JAM3: variants seen among roughly 807,000 people sequenced by gnomAD.
The protein encoded by JAM3 is junctional adhesion molecule C.
Under a neutral mutation model 39.4 loss-of-function variants are expected in JAM3, and 31 were observed. The observed-to-expected ratio is 0.79, with a 90% CI of 0.59 to 1.06. The LOEUF (loss-of-function observed/expected upper bound fraction) is 1.06. JAM3 is among the 50% of genes least tolerant of loss of function. The pLI, the probability that JAM3 is intolerant of heterozygous loss-of-function variation, is 0.00. For synonymous variants in JAM3, 182 were observed against 148.7 expected, an observed-to-expected ratio of 1.22 and a Z score of -1.63; for missense variants, 455 against 391.4, an observed-to-expected ratio of 1.16 and a Z score of -1.37.
At chr11:134,082,104 T>C (rs1340999430) in intron 1 of JAM3, among the ~76,000 whole-genome samples, 2 of 152,218 alleles carry the variant, frequency 1.3e-5, no homozygotes, top group African/African-American at 2.4e-5. Flanking sequence ...GACTGCCTTG[T>C]TGGATTTCGG....
chr11:134,085,698 G>A (rs1015879231), intron 1 of JAM3, among the ~76,000 whole-genome samples: 4 of 152,162 alleles, frequency 2.6e-5, no homozygotes, highest in African/African-American at 9.7e-5. Context: ...CACTTCCTCT[G>A]TGTGTATCTT....
At chr11:134,076,888 G>T (rs1398028539) in intron 1 of JAM3, among the ~76,000 whole-genome samples, 1 of 145,204 alleles carries the variant, frequency 6.9e-6, no homozygotes, top group Non-Finnish European at 1.5e-5. Flanking sequence ...AGGCTGGAGT[G>T]CAGTGGTGCG....
chr11:134,083,228 G>C (rs1363847735), intron 1 of JAM3, among the ~76,000 whole-genome samples: 1 of 152,190 alleles, frequency 6.6e-6, no homozygotes, highest in Non-Finnish European at 1.5e-5. Context: ...AAAATGCTGA[G>C]ATGAATTGGG....
At chr11:134,145,262 T>C (rs897413031) in intron 5 of JAM3, 1 of 530,470 alleles carries the variant, frequency 1.9e-6, no homozygotes, top group East Asian at 3.4e-5. Context: ...CCTGATCGGA[T>C]AATCAACTGT....
chr11:134,111,192 C>G (rs907910002), intron 1 of JAM3, among the ~76,000 whole-genome samples: 4 of 130,434 alleles, frequency 3.1e-5, no homozygotes, highest in African/African-American at 9.1e-5. Context: ...CGCCCAGGCT[C>G]GAGTGCAGTG....
chr11:134,137,125 A>G (rs911628921), intron 1 of JAM3, among the ~76,000 whole-genome samples: 12 of 150,084 alleles, frequency 8.0e-5, no homozygotes, highest in African/African-American at 2.5e-4. Context: ...AAAAAAAAAA[A>G]AAGAAGAAGA....
At chr11:134,121,821 G>A (rs867825184) in intron 1 of JAM3, among the ~76,000 whole-genome samples, 6 of 148,422 alleles carry the variant, frequency 4.0e-5, no homozygotes, top group South Asian at 2.2e-4. Context: ...GCATGTGTGC[G>A]CACACACACA....
At chr11:134,085,620 A>G (rs759492824) in intron 1 of JAM3, among the ~76,000 whole-genome samples, 27 of 152,316 alleles carry the variant, frequency 1.8e-4, no homozygotes, top group Non-Finnish European at 3.8e-4. Flanking sequence ...CCCCAGTCAT[A>G]GTCTTCCTTG....
chr11:134,088,958 T>C (rs1941794552), intron 1 of JAM3, among the ~76,000 whole-genome samples: 1 of 152,186 alleles, frequency 6.6e-6, no homozygotes, highest in South Asian at 2.1e-4. Context: ...TTGGGCAACA[T>C]TTATTAAGGG....
intron 3 of JAM3, 100 bp downstream of exon 3, chr11:134,140,870 T>C: frequency 6.9e-7 from 1 of 1,454,170 alleles, no homozygotes; most frequent in Non-Finnish European, 9.3e-7. Context: ...GTAACCTGCA[T>C]CTGTAGCTAG....
chr11:134,100,628 T>C (rs1211528779), intron 1 of JAM3, among the ~76,000 whole-genome samples: 1 of 152,220 alleles, frequency 6.6e-6, no homozygotes, highest in Non-Finnish European at 1.5e-5. Context: ...AAAGCAGTTC[T>C]CTAATAGTGG....
intron 1 of JAM3, among the ~76,000 whole-genome samples, chr11:134,127,846 GAGTA>G (rs754942219): frequency 6.6e-6 from 1 of 152,204 alleles, no homozygotes; most frequent in African/African-American, 2.4e-5. Flanking sequence ...AAACAGAAGA[GAGTA>G]AGTGAGGCTG....
chr11:134,095,622 T>C (rs1054956737), intron 1 of JAM3, among the ~76,000 whole-genome samples: 2 of 127,422 alleles, frequency 1.6e-5, no homozygotes, highest in Non-Finnish European at 3.3e-5. Flanking sequence ...AGAATGAGAC[T>C]CTGTCAAAAA....
At chr11:134,107,695 T>A (rs1942221954) in intron 1 of JAM3, among the ~76,000 whole-genome samples, 1 of 151,896 alleles carries the variant, frequency 6.6e-6, no homozygotes, top group Non-Finnish European at 1.5e-5. Context: ...AGTCCCCATC[T>A]CTACAAAAAA....
intron 1 of JAM3, chr11:134,070,394 A>G: frequency 2.8e-6 from 1 of 358,872 alleles, no homozygotes; most frequent in Non-Finnish European, 5.5e-6. Flanking sequence ...ACTGTTTAGG[A>G]GTGAAGGTGG....
chr11:134,141,265 G>T (rs971291319), intron 3 of JAM3, among the ~76,000 whole-genome samples: 5 of 152,128 alleles, frequency 3.3e-5, no homozygotes, highest in South Asian at 2.1e-4. Flanking sequence ...GTCAGGGAAG[G>T]CTCCCCAAAG....
In JAM3 at chr11:134,139,841, T is replaced by C; in HGVS notation, c.77-10T>C. The stretch of plus-strand genomic sequence containing the variant: ...CATTGTCTCTGATTTTACTTTTCTT[T>C]CTCCTTCAGGCTGCCTGATAGGGGC... On this transcript the variant is annotated splice_polypyrimidine_tract_variant and intron_variant, in intron 1 of 8. Transcript: ENST00000299106. 6.2e-7 allele frequency: 1 copy of C among 1,611,652 alleles called. No homozygotes were observed. The highest frequency in any genetic ancestry group is 2.2e-5 in the East Asian group (1 of 44,860).
intron 1 of JAM3, among the ~76,000 whole-genome samples, chr11:134,135,782 T>C (rs1194758653): frequency 6.6e-6 from 1 of 152,242 alleles, no homozygotes; most frequent in East Asian, 1.9e-4. Context: ...TAAAAGCTGT[T>C]GAATGGCCAG....
intron 1 of JAM3, among the ~76,000 whole-genome samples, chr11:134,126,159 A>G (rs942736731): frequency 6.6e-6 from 1 of 152,312 alleles, no homozygotes; most frequent in Admixed American, 6.5e-5. Context: ...CTTGTGGACA[A>G]CTGTCCATAA....
Sources: allele counts gnomAD v4.1 joint callset (sites outside exome capture counted in the v4.1 genomes callset), GRCh38; gene constraint gnomAD v4.1.1; transcripts MANE v1.5; gene names NCBI Gene and HGNC (gene_info 2026-07-23, HGNC 2026-07-21).